ELMO1: variants seen among roughly 807,000 people sequenced by gnomAD.
ELMO1 encodes the protein engulfment and cell motility protein 1.
Under a neutral mutation model 98.9 loss-of-function variants are expected in ELMO1, and 26 were observed. The observed-to-expected ratio is 0.26, with a 90% confidence interval of 0.19 to 0.36. The LOEUF is 0.36. Ranked by LOEUF, ELMO1 falls within the 10% of genes least tolerant of loss-of-function variation. The pLI, the probability that ELMO1 is intolerant of heterozygous loss-of-function variation, is 1.00. For missense variants in ELMO1, 627 were observed against 935.2 expected (o/e 0.67, Z 4.30); for synonymous variants, 346 against 346.0 (o/e 1.00, Z 0.00).
At chr7:37,279,120 T>G (rs931218767) in intron 4 of ELMO1, among the ~76,000 whole-genome samples, 1 of 152,088 alleles carries the variant, frequency 6.6e-6, no homozygotes, top group Non-Finnish European at 1.5e-5. Flanking sequence ...GAGAATCGCT[T>G]GAAACTGGAA....
At chr7:36,879,412 T>C (rs1286231560) in intron 18 of ELMO1, among the ~76,000 whole-genome samples, 1 of 152,252 alleles carries the variant, frequency 6.6e-6, no homozygotes, top group Non-Finnish European at 1.5e-5. Flanking sequence ...GTTACCTCAT[T>C]ATTGCACCTG....
intron 13 of ELMO1, among the ~76,000 whole-genome samples, chr7:37,139,466 A>T (rs1295692589): frequency 6.6e-6 from 1 of 152,166 alleles, no homozygotes; most frequent in East Asian, 1.9e-4. Flanking sequence ...CCTCTTTCAC[A>T]ATAGCTGCAA....
intron 1 of ELMO1, among the ~76,000 whole-genome samples, chr7:37,379,901 T>C (rs146588705): frequency 3.2e-4 from 49 of 152,336 alleles, no homozygotes; most frequent in African/African-American, 1.1e-3. Context: ...ACAAACTGTC[T>C]TTGTGTCCTA....
intron 19 of ELMO1, among the ~76,000 whole-genome samples, chr7:36,877,768 C>T (rs1804090398): frequency 6.6e-6 from 1 of 152,152 alleles, no homozygotes; most frequent in South Asian, 2.1e-4. Context: ...CATTTGAACC[C>T]CCAGTTTACG....
At chr7:37,423,554 CG>C (rs1377019193) in intron 1 of ELMO1, among the ~76,000 whole-genome samples, 1 of 152,016 alleles carries the variant, frequency 6.6e-6, no homozygotes, top group Non-Finnish European at 1.5e-5. Context: ...CACTCCAGCC[CG>C]GGTGACAGAG....
In ELMO1 at chr7:37,277,181, G is replaced by A. The variant is rs1034863023; in HGVS notation, c.193-5299C>T. On this transcript the variant is annotated intron_variant, in intron 4 of 21. Transcript: ENST00000310758. The stretch of plus-strand genomic sequence containing the variant: ...AGTTAAACAGGACTAATTCCTGTCC[G>A]CTGGGAATTGGTCAGTGACAGAAAC... Among the ~76,000 whole-genome samples, 96 of 152,240 alleles carry A rather than the reference G, an allele frequency of 6.3e-4. 1 individual carries two copies. The highest frequency in any genetic ancestry group is 5.6e-3 in the Admixed American group (85 of 15,290).
chr7:37,021,021 C>T (rs1794235460), intron 15 of ELMO1, among the ~76,000 whole-genome samples: 2 of 152,076 alleles, frequency 1.3e-5, no homozygotes, highest in South Asian at 4.1e-4. Context: ...TATATTTATT[C>T]CTTTGTATAA....
intron 5 of ELMO1, chr7:37,270,735 A>G (rs1308388956): frequency 6.6e-6 from 1 of 152,204 alleles, no homozygotes; most frequent in Non-Finnish European, 1.5e-5. Flanking sequence ...CGTCTTGTTT[A>G]GCAGCTTTAA....
intron 15 of ELMO1, among the ~76,000 whole-genome samples, chr7:37,072,547 G>T (rs1047897897): frequency 4.6e-5 from 7 of 152,076 alleles, no homozygotes. Context: ...TTATGAACTC[G>T]GAATGCAAAT....
At chr7:37,292,376 T>G (rs1355806581) in intron 4 of ELMO1, among the ~76,000 whole-genome samples, 7 of 82,928 alleles carry the variant, frequency 8.4e-5, no homozygotes, top group African/African-American at 2.3e-4. Flanking sequence ...CCACCCCGTC[T>G]GGGAAGTGAG....
chr7:37,304,955 T>C (rs1798534854), intron 4 of ELMO1, among the ~76,000 whole-genome samples: 1 of 152,196 alleles, frequency 6.6e-6, no homozygotes, highest in Non-Finnish European at 1.5e-5. Context: ...GTGCAAAGTT[T>C]TTCCTTTATT....
chr7:37,170,174 G>A (rs919346440), intron 13 of ELMO1, among the ~76,000 whole-genome samples: 1 of 152,160 alleles, frequency 6.6e-6, no homozygotes, highest in Non-Finnish European at 1.5e-5. Context: ...CAAAGTGCTG[G>A]GATTACAGGC....
intron 1 of ELMO1, among the ~76,000 whole-genome samples, chr7:37,368,672 A>T (rs1028313259): frequency 6.6e-6 from 1 of 152,196 alleles, no homozygotes; most frequent in African/African-American, 2.4e-5. Context: ...TATTCTCCTA[A>T]GGGCAACTCT....
chr7:36,887,486 A>G (rs1162957728), intron 18 of ELMO1, 74 bp downstream of exon 18: 11 of 1,391,654 alleles, frequency 7.9e-6, no homozygotes, highest in Non-Finnish European at 4.0e-6. Flanking sequence ...AACCAACACC[A>G]TGCCCTTGTG....
chr7:37,133,041 C>T (rs1191563766), intron 14 of ELMO1, 89 bp downstream of exon 14: 3 of 870,130 alleles, frequency 3.4e-6, no homozygotes, highest in South Asian at 2.7e-5. Flanking sequence ...TGGGGTCACT[C>T]ATCTAAAGGT....
intron 4 of ELMO1, 117 bp downstream of exon 4, chr7:37,314,733 G>A (rs572459704): frequency 4.2e-5 from 34 of 808,374 alleles, no homozygotes; most frequent in Admixed American, 2.0e-4. Flanking sequence ...CTCTATTTTC[G>A]TGGATAGTAG....
chr7:37,188,524 A>ATAG (rs1301760307), intron 13 of ELMO1, among the ~76,000 whole-genome samples: 3 of 149,114 alleles, frequency 2.0e-5, no homozygotes, highest in Non-Finnish European at 4.5e-5. Flanking sequence ...AATAATAATA[A>ATAG]TAACTAAGAG....
intron 1 of ELMO1, chr7:37,353,602 A>T (rs938582095): frequency 6.6e-6 from 1 of 152,120 alleles, no homozygotes; most frequent in Non-Finnish European, 1.5e-5. Flanking sequence ...GTGAAAAAAA[A>T]ACAAAGATTC....
intron 13 of ELMO1, among the ~76,000 whole-genome samples, chr7:37,209,614 A>T (rs1792841597): frequency 6.6e-6 from 1 of 152,168 alleles, no homozygotes; most frequent in South Asian, 2.1e-4. Flanking sequence ...GGTAAGAGAG[A>T]TTGGGTGATT....
Sources: allele counts gnomAD v4.1 joint callset (sites outside exome capture counted in the v4.1 genomes callset), GRCh38; gene constraint gnomAD v4.1.1; transcripts MANE v1.5; gene names NCBI Gene and HGNC (gene_info 2026-07-23, HGNC 2026-07-21).